OCA2: variants seen among roughly 807,000 people sequenced by gnomAD.
The protein encoded by OCA2 is P protein.
In OCA2, 77 loss-of-function variants were observed where a neutral mutation model predicts 100.2. The observed-to-expected ratio is 0.77, with a 90% CI of 0.64 to 0.93. OCA2 has a LOEUF of 0.93. OCA2 is among the 40% of genes least tolerant of loss of function. The pLI, the probability that OCA2 is intolerant of heterozygous loss-of-function variation, is 0.00. For synonymous variants in OCA2, 432 were observed against 439.2 expected (o/e 0.98, Z 0.21); for missense variants, 1,062 against 1,089.1 (o/e 0.98, Z 0.35).
At chr15:27,880,438 T>A (rs946536134) in intron 19 of OCA2, among the ~76,000 whole-genome samples, 2 of 152,162 alleles carry the variant, frequency 1.3e-5, no homozygotes, top group Non-Finnish European at 2.9e-5. Flanking sequence ...TATAAATTAC[T>A]TTGGACAGTA....
intron 2 of OCA2, among the ~76,000 whole-genome samples, chr15:28,040,336 A>C (rs1464050040): frequency 1.3e-5 from 2 of 152,190 alleles, no homozygotes; most frequent in Non-Finnish European, 2.9e-5. Flanking sequence ...ACACATCAAA[A>C]TTTATGTGGT....
chr15:27,995,067 G>C (rs550104621), intron 9 of OCA2, among the ~76,000 whole-genome samples: 1 of 152,148 alleles, frequency 6.6e-6, no homozygotes, highest in Non-Finnish European at 1.5e-5. Flanking sequence ...AATTCAACAG[G>C]GACCTATCAC....
At chr15:27,841,196 C>T (rs1251625077) in intron 23 of OCA2, among the ~76,000 whole-genome samples, 1 of 152,132 alleles carries the variant, frequency 6.6e-6, no homozygotes, top group Admixed American at 6.5e-5. Flanking sequence ...CGAGTGAAAA[C>T]AGCCAATACA....
chr15:28,025,503 C>T (rs2042723111), intron 4 of OCA2, among the ~76,000 whole-genome samples: 1 of 152,176 alleles, frequency 6.6e-6, no homozygotes, highest in Non-Finnish European at 1.5e-5. Flanking sequence ...ACCCCCAAGG[C>T]CCTATGTGAA....
intron 23 of OCA2, among the ~76,000 whole-genome samples, chr15:27,757,408 G>A (rs1193092376): frequency 6.6e-6 from 1 of 152,204 alleles, no homozygotes; most frequent in African/African-American, 2.4e-5. Flanking sequence ...GGTGAGGCAT[G>A]TCATGTTACC....
At chr15:28,027,747 C>A (rs2141345988) in intron 4 of OCA2, 124 bp downstream of exon 4, 8 of 1,011,814 alleles carry the variant, frequency 7.9e-6, no homozygotes, top group Non-Finnish European at 1.0e-5. Context: ...AAAAGTGCAG[C>A]CTGGCCAGAT....
At chr15:27,780,260 G>C (rs1431124082) in intron 23 of OCA2, among the ~76,000 whole-genome samples, 1 of 152,188 alleles carries the variant, frequency 6.6e-6, no homozygotes, top group East Asian at 1.9e-4. Flanking sequence ...TGTCCAGACT[G>C]ATCTGTCCTG....
At chr15:27,863,442 C>G (rs546365599) in intron 21 of OCA2, among the ~76,000 whole-genome samples, 1 of 152,302 alleles carries the variant, frequency 6.6e-6, no homozygotes, top group African/African-American at 2.4e-5. Context: ...TAGACCAGCA[C>G]TTCTCCAATG....
intron 14 of OCA2, among the ~76,000 whole-genome samples, chr15:27,969,342 G>A (rs576086862): frequency 5.2e-4 from 79 of 152,304 alleles, no homozygotes; most frequent in African/African-American, 1.9e-3. Flanking sequence ...CATCAAAAGA[G>A]CAATGATAAG....
At chr15:27,747,475 G>T in the OCA2 span, among the ~76,000 whole-genome samples, 1 of 152,184 alleles carries the variant, frequency 6.6e-6, no homozygotes, top group Non-Finnish European at 1.5e-5. Context: ...AAACACTGCT[G>T]GTTTTAGATG....
chr15:27,936,055 C>T (rs900813940), intron 18 of OCA2, among the ~76,000 whole-genome samples: 1 of 152,238 alleles, frequency 6.6e-6, no homozygotes, highest in Non-Finnish European at 1.5e-5. Context: ...GCCTGCCACC[C>T]TTTCATGAAG....
At chr15:27,831,305 A>AAAAAAAAAAAAAAAAAAAAAAAC in intron 23 of OCA2, among the ~76,000 whole-genome samples, 1 of 151,404 alleles carries the variant, frequency 6.6e-6, no homozygotes, top group Non-Finnish European at 1.5e-5. Flanking sequence ...AAAAAAAAAA[A>AAAAAAAAAAAAAAAAAAAAAAAC]ATCGGTCTGA....
the OCA2 span, among the ~76,000 whole-genome samples, chr15:27,736,565 A>T: frequency 6.6e-6 from 1 of 152,214 alleles, no homozygotes; most frequent in African/African-American, 2.4e-5. Context: ...TTATAAAAGG[A>T]CTTATTACAT....
chr15:27,780,909 A>C (rs2032506223), intron 23 of OCA2, among the ~76,000 whole-genome samples: 1 of 152,234 alleles, frequency 6.6e-6, no homozygotes, highest in African/African-American at 2.4e-5. Context: ...TCTCTCCACG[A>C]AATTATGAGG....
At chr15:27,886,053 G>A (rs949527381) in intron 19 of OCA2, among the ~76,000 whole-genome samples, 2 of 152,170 alleles carry the variant, frequency 1.3e-5, no homozygotes, top group African/African-American at 4.8e-5. Flanking sequence ...GGAGACTCTA[G>A]AGAGGTGAAC....
chr15:27,974,420 T>A (rs571862312), intron 14 of OCA2, among the ~76,000 whole-genome samples: 204 of 152,286 alleles, frequency 1.3e-3, no homozygotes, highest in Non-Finnish European at 2.4e-3. Flanking sequence ...TATGAGTGCA[T>A]CTGTGTCTCC....
intron 21 of OCA2, among the ~76,000 whole-genome samples, chr15:27,860,897 A>G (rs1186888587): frequency 3.3e-5 from 5 of 152,238 alleles, no homozygotes; most frequent in African/African-American, 4.8e-5. Context: ...AGTAAGAAGT[A>G]AGCTCAGGGA....
At chr15:28,065,003 G>A (rs1391848588) in intron 2 of OCA2, among the ~76,000 whole-genome samples, 1 of 151,968 alleles carries the variant, frequency 6.6e-6, no homozygotes, top group Non-Finnish European at 1.5e-5. Flanking sequence ...CCCTTTTCAT[G>A]TCTGTTTCCT....
At chr15:28,044,897 CAT>C (rs1279086792) in intron 2 of OCA2, among the ~76,000 whole-genome samples, 8 of 152,080 alleles carry the variant, frequency 5.3e-5, no homozygotes, top group Admixed American at 1.3e-4. Context: ...AACCTATCTC[CAT>C]ATGTTATTTT....
Sources: allele counts gnomAD v4.1 joint callset (sites outside exome capture counted in the v4.1 genomes callset), GRCh38; gene constraint gnomAD v4.1.1; transcripts MANE v1.5; gene names NCBI Gene and HGNC (gene_info 2026-07-23, HGNC 2026-07-21).